OTUB1: variants seen among roughly 807,000 people sequenced by gnomAD.
The protein encoded by OTUB1 is OTU deubiquitinase, ubiquitin aldehyde binding 1.
In OTUB1, 10 loss-of-function variants were observed where a neutral mutation model predicts 35.8. The observed-to-expected ratio is 0.28, with a 90% CI of 0.17 to 0.47. The LOEUF (loss-of-function observed/expected upper bound fraction) is 0.47. Ranked by LOEUF, OTUB1 falls within the 20% of genes least tolerant of loss-of-function variation. The pLI, the probability that OTUB1 is intolerant of heterozygous loss-of-function variation, is 0.99. For synonymous variants in OTUB1, 158 were observed against 143.8 expected, an observed-to-expected ratio of 1.10 and a Z score of -0.71; for missense variants, 264 against 351.6, an observed-to-expected ratio of 0.75 and a Z score of 1.99.
chr11:63,993,661 C>CA (rs71039699), intron 3 of OTUB1, among the ~76,000 whole-genome samples: 40,535 of 106,618 alleles, frequency 0.38, 7,399 homozygotes, highest in Non-Finnish European at 0.49. Context: ...GAGACTGTCT[C>CA]AAAAAAAAAA....
Position 63,997,182 on chromosome 11 carries a change from G to A in OTUB1, c.556G>A (p.Glu186Lys), listed in dbSNP as rs745390279. 6.6e-5 allele frequency: 107 copies of A among 1,614,120 alleles called. No homozygotes were observed. The highest frequency in any genetic ancestry group is 8.6e-5 in the Non-Finnish European group (101 of 1,180,048). Residue 186 changes from glutamate to lysine, a missense_variant, in exon 6 of 7, where the codon GAG becomes AAG. Glu to Lys is a moderately conservative substitution (Grantham distance 56). Around this residue, in one of 2 missense-constraint regions of OTUB1, gnomAD observed 214 missense variants for 317.1 expected, o/e 0.67. Coordinates refer to ENST00000538426, the MANE Select transcript of OTUB1 (RefSeq NM_017670.3). ...RLLTSGYLQR[E>K]SKFFEHFIEG... The stretch of plus-strand genomic sequence containing the variant: ...GCTCACCTCGGGCTACCTGCAGCGC[G>A]AGAGCAAGTTCTTCGAGCACTTCAT...
intron 1 of OTUB1, chr11:63,986,987 T>C (rs1408788804): frequency 1.3e-5 from 2 of 159,018 alleles, no homozygotes; most frequent in Non-Finnish European, 2.7e-5. Flanking sequence ...TAGGCGGCCC[T>C]GGGATGTGAG....
chr11:63,995,516 C>T (rs1942708811), intron 3 of OTUB1, among the ~76,000 whole-genome samples: 1 of 151,508 alleles, frequency 6.6e-6, no homozygotes, highest in Non-Finnish European at 1.5e-5. Flanking sequence ...TTTAGAGAGA[C>T]GGGGGTCTCA....
chr11:63,988,178 G>A (rs539109794), intron 1 of OTUB1, among the ~76,000 whole-genome samples, 159 bp from the exon 2 acceptor site: 8 of 152,304 alleles, frequency 5.3e-5, no homozygotes, highest in African/African-American at 1.9e-4. Context: ...GGAAGGCTGA[G>A]GCAGGAGAAT....
intron 3 of OTUB1, 97 bp from the exon 4 acceptor site, chr11:63,996,433 G>GT: frequency 2.2e-6 from 3 of 1,367,548 alleles, no homozygotes; most frequent in Non-Finnish European, 3.1e-6. Flanking sequence ...GAGCTCAGTT[G>GT]CCACCTTTGG....
intron 3 of OTUB1, among the ~76,000 whole-genome samples, chr11:63,995,007 T>A (rs923457601): frequency 2.6e-5 from 4 of 151,862 alleles, no homozygotes. Flanking sequence ...GTGGGAAAAA[T>A]TGATGATGGG....
chr11:63,997,074 G>A lies in OTUB1; in HGVS notation c.448G>A (p.Glu150Lys). 6.2e-7 allele frequency: 1 copy of A among 1,614,172 alleles called. No individual in the cohort carries two copies. The highest frequency in any genetic ancestry group is 1.1e-5 in the South Asian group (1 of 91,090). ...NTFMDLIEQV[E>K]KQTSVADLLA... is the part of the protein sequence containing the mutation. ...GTTCATGGACCTGATTGAGCAGGTG[G>A]AGAAGCAGACCTCTGTCGCCGACCT... The change falls in exon 6 of 7, where the codon GAG becomes AAG. Residue 150 changes from glutamate to lysine, a missense_variant. This residue lies in a region of OTUB1 where 214 missense variants were observed against 317.1 expected (regional missense o/e 0.67). Transcript: ENST00000538426.
intron 3 of OTUB1, among the ~76,000 whole-genome samples, chr11:63,992,666 T>G (rs982635131): frequency 2.0e-5 from 3 of 152,224 alleles, no homozygotes; most frequent in African/African-American, 7.2e-5. Context: ...TTCTCCTGCC[T>G]CAGCCTCCTG....
rs1335101249 is a variant in OTUB1, at chr11:63,998,288, T to G, written c.*742T>G. The G allele has an allele frequency of 5.6e-6, 1 of 177,348 alleles. No individual in the cohort carries two copies. Among genetic ancestry groups the G allele is most frequent in the Non-Finnish European group, 1.2e-5 (1 of 82,590 alleles). 11.0% of individuals were successfully genotyped at this position (177,348 alleles called of 1,614,324 possible). ...CCCCCTCTGCTTGGGCCACGGTGTC[T>G]CTGCATTGCCTGCCTTTTTGCCTTC... On this transcript the variant is annotated 3_prime_UTR_variant, in exon 7 of 7. Transcript: ENST00000538426.
At chr11:63,989,028 A>T (rs1329247845) in intron 3 of OTUB1, 1 of 348,796 alleles carries the variant, frequency 2.9e-6, no homozygotes, top group African/African-American at 2.1e-5. Flanking sequence ...AAAAAAAAAA[A>T]AAAGGTGGGG....
chr11:63,991,000 C>G (rs1565184996), intron 3 of OTUB1, among the ~76,000 whole-genome samples: 2 of 152,204 alleles, frequency 1.3e-5, no homozygotes, highest in African/African-American at 4.8e-5. Context: ...CAGGCCAGAT[C>G]CAGCTGTGTG....
intron 4 of OTUB1, 54 bp downstream of exon 4, chr11:63,996,702 G>A (rs757083064): frequency 3.3e-5 from 53 of 1,613,494 alleles, no homozygotes; most frequent in African/African-American, 2.0e-4. Context: ...CCTCCTCCCC[G>A]GGCGAGTAGG....
intron 3 of OTUB1, among the ~76,000 whole-genome samples, chr11:63,992,580 A>C (rs2134308338): frequency 6.6e-6 from 1 of 152,086 alleles, no homozygotes; most frequent in East Asian, 1.9e-4. Context: ...TTGCCCTGTC[A>C]CCCAGGCTGG....
Position 63,996,728 on chromosome 11 carries a change from G to A in OTUB1, c.338+80G>A, listed in dbSNP as rs556566710. The A allele has an allele frequency of 8.7e-6, 14 of 1,612,304 alleles. No individual in the cohort carries two copies. The East Asian group carries it at 2.7e-4, about 31-fold the overall frequency. On this transcript the variant is annotated intron_variant, in intron 4 of 6. Transcript: ENST00000538426. ...GGCGAGTAGGATGTGTCTCGAGTAG[G>A]GTGTCTCCCTCCTTCCCGGGCGATG... is the stretch of plus-strand genomic sequence containing the variant.
intron 3 of OTUB1, chr11:63,989,955 CA>C (rs1235661145): frequency 6.6e-6 from 1 of 150,522 alleles, no homozygotes; most frequent in Non-Finnish European, 1.5e-5. Context: ...GCGGAGGTTG[CA>C]GTGAGCCGAG....
intron 3 of OTUB1, among the ~76,000 whole-genome samples, chr11:63,991,540 G>A (rs1325888210): frequency 1.3e-5 from 2 of 152,182 alleles, no homozygotes; most frequent in Non-Finnish European, 2.9e-5. Context: ...TTTTCTCCCT[G>A]GGCAGAGACA....
intron 2 of OTUB1, 44 bp from the exon 3 acceptor site, chr11:63,988,610 C>T (rs1225449168): frequency 6.9e-7 from 1 of 1,453,670 alleles, no homozygotes. Context: ...GCATGGGTCA[C>T]TCCATCTCCC....
chr11:63,994,376 C>T (rs1310992066), intron 3 of OTUB1, among the ~76,000 whole-genome samples: 2 of 152,184 alleles, frequency 1.3e-5, no homozygotes, highest in African/African-American at 4.8e-5. Context: ...CCTCAGCCTC[C>T]AGAGTAGCTG....
chr11:63,996,109 G>A (rs1942714163), intron 3 of OTUB1, among the ~76,000 whole-genome samples: 3 of 152,194 alleles, frequency 2.0e-5, no homozygotes, highest in Admixed American at 2.0e-4. Context: ...GAGCGGGGCT[G>A]AGCTGGGCTG....
Sources: allele counts gnomAD v4.1 joint callset (sites outside exome capture counted in the v4.1 genomes callset), GRCh38; gene constraint gnomAD v4.1.1; regional missense constraint gnomAD v4.1.1; transcripts MANE v1.5; gene names NCBI Gene and HGNC (gene_info 2026-07-23, HGNC 2026-07-21).